The following LYZL4 variants were observed in gnomAD, a reference collection of about 807,000 sequenced individuals.
LYZL4 encodes lysozyme-like protein 4.
LYZL4 carries 13 observed loss-of-function variants against 17.6 expected under a neutral mutation model. That is an observed-to-expected ratio of 0.74 (90% CI 0.48 to 1.18). LYZL4 has a LOEUF of 1.18. Ranked by LOEUF, LYZL4 falls within the 50% of genes most tolerant of loss-of-function variation. LYZL4 has a pLI of 0.00. For missense variants in LYZL4, 174 were observed against 188.2 expected, an observed-to-expected ratio of 0.92 and a Z score of 0.44; for synonymous variants, 64 against 67.7, an observed-to-expected ratio of 0.95 and a Z score of 0.27.
the LYZL4 span, among the ~76,000 whole-genome samples, chr3:42,361,334 A>G: frequency 6.6e-6 from 1 of 152,154 alleles, no homozygotes; most frequent in East Asian, 1.9e-4. Flanking sequence ...TTCATAGCAA[A>G]CCAAGGGTGA....
At chr3:42,382,022 C>A in the LYZL4 span, among the ~76,000 whole-genome samples, 1 of 152,200 alleles carries the variant, frequency 6.6e-6, no homozygotes, top group Admixed American at 6.5e-5. Context: ...AAGCATCCAC[C>A]ATGGCAAAAC....
chr3:42,384,637 C>T, the LYZL4 span, among the ~76,000 whole-genome samples: 2 of 152,280 alleles, frequency 1.3e-5, no homozygotes, highest in South Asian at 2.1e-4. Flanking sequence ...AACAATGCTT[C>T]GCTAAAGAAG....
At chr3:42,365,180 G>C in the LYZL4 span, among the ~76,000 whole-genome samples, 3 of 152,094 alleles carry the variant, frequency 2.0e-5, no homozygotes, top group African/African-American at 7.2e-5. Context: ...ATGGTAATTT[G>C]GGGAAATTTG....
the LYZL4 span, among the ~76,000 whole-genome samples, chr3:42,372,890 T>C: frequency 6.6e-6 from 1 of 152,126 alleles, no homozygotes; most frequent in Admixed American, 6.5e-5. Flanking sequence ...AGGGCTGTCA[T>C]ACTATGTCTG....
chr3:42,382,960 G>A, the LYZL4 span, among the ~76,000 whole-genome samples: 2 of 152,044 alleles, frequency 1.3e-5, no homozygotes, highest in African/African-American at 2.4e-5. Context: ...GTGATGCTTG[G>A]CAGTGAGGGT....
intron 4 of LYZL4, among the ~76,000 whole-genome samples, chr3:42,403,458 T>C (rs190149743): frequency 3.7e-4 from 56 of 152,170 alleles, no homozygotes; most frequent in African/African-American, 1.3e-3. Flanking sequence ...ATTTTTTTAG[T>C]AGAGACGAGG....
Position 42,397,348 on chromosome 3 carries a change from T to G in LYZL4, c.372-14A>C. On this transcript the variant is annotated splice_polypyrimidine_tract_variant and intron_variant, in intron 4 of 4. Coordinates refer to ENST00000287748, the MANE Select transcript of LYZL4 (RefSeq NM_144634.4). Reference sequence around the variant, plus strand: ...GACCAGGTGGGCCTGTGGAGAGAAGTGAACAGGAAGGGCTCCTCAAAGTCA... The same window carrying G: ...GACCAGGTGGGCCTGTGGAGAGAAGGGAACAGGAAGGGCTCCTCAAAGTCA... The G allele has an allele frequency of 6.4e-7, 1 of 1,558,416 alleles. No homozygotes were observed.
the LYZL4 span, among the ~76,000 whole-genome samples, chr3:42,371,262 AG>A: frequency 6.6e-6 from 1 of 152,208 alleles, no homozygotes; most frequent in African/African-American, 2.4e-5. Flanking sequence ...ACCAGCACTC[AG>A]GGGTGGCAGA....
At chr3:42,402,587 A>C (rs949488055) in intron 4 of LYZL4, among the ~76,000 whole-genome samples, 26 of 152,208 alleles carry the variant, frequency 1.7e-4, no homozygotes, top group African/African-American at 6.0e-4. Flanking sequence ...GCAATACCAC[A>C]ACACAGTCAT....
At chr3:42,366,401 G>A in the LYZL4 span, among the ~76,000 whole-genome samples, 1 of 152,192 alleles carries the variant, frequency 6.6e-6, no homozygotes, top group Non-Finnish European at 1.5e-5. Flanking sequence ...ACGTCCTGAG[G>A]AGGGGAGGTT....
the LYZL4 span, among the ~76,000 whole-genome samples, chr3:42,366,311 A>G: frequency 6.6e-6 from 1 of 152,150 alleles, no homozygotes; most frequent in Non-Finnish European, 1.5e-5. Context: ...CAGCCTTGGA[A>G]GCCACTGCCC....
chr3:42,405,086 T>C (rs901712418), intron 3 of LYZL4, among the ~76,000 whole-genome samples: 1 of 152,130 alleles, frequency 6.6e-6, no homozygotes, highest in African/African-American at 2.4e-5. Flanking sequence ...TCTCGCTCTG[T>C]CTCCCAGGCT....
the LYZL4 span, among the ~76,000 whole-genome samples, chr3:42,369,939 C>T: frequency 6.6e-6 from 1 of 152,060 alleles, no homozygotes; most frequent in East Asian, 1.9e-4. Context: ...CCCAGCTACT[C>T]GAGAGATAGA....
intron 4 of LYZL4, among the ~76,000 whole-genome samples, chr3:42,402,818 C>T (rs1391279189): frequency 1.3e-5 from 2 of 152,168 alleles, no homozygotes. Flanking sequence ...TATAGACTGT[C>T]CATGGCAGCA....
chr3:42,409,579 A>T (rs1449348161), intron 1 of LYZL4, among the ~76,000 whole-genome samples: 1 of 152,130 alleles, frequency 6.6e-6, no homozygotes, highest in African/African-American at 2.4e-5. Flanking sequence ...AGGGTGTGCC[A>T]TCTACAGTTC....
At chr3:42,379,747 C>T in the LYZL4 span, among the ~76,000 whole-genome samples, 9 of 152,138 alleles carry the variant, frequency 5.9e-5, no homozygotes, top group Non-Finnish European at 5.9e-5. Context: ...TGACTCACTC[C>T]GATCCTCTTA....
chr3:42,401,881 G>C (rs545637441), intron 4 of LYZL4, among the ~76,000 whole-genome samples: 1 of 152,092 alleles, frequency 6.6e-6, no homozygotes, highest in Non-Finnish European at 1.5e-5. Flanking sequence ...AGACAAGGCT[G>C]CCACTATTGT....
the LYZL4 span, among the ~76,000 whole-genome samples, chr3:42,380,040 C>T: frequency 6.6e-6 from 1 of 152,174 alleles, no homozygotes; most frequent in African/African-American, 2.4e-5. Context: ...AGAAGACAGC[C>T]GTCTGCAAAC....
downstream of LYZL4, among the ~76,000 whole-genome samples, chr3:42,396,069 A>C (rs562923850): frequency 9.9e-5 from 15 of 152,224 alleles, no homozygotes; most frequent in Non-Finnish European, 1.8e-4. Flanking sequence ...TCTCAAAAAA[A>C]AGAAAAGAAA....
Sources: allele counts gnomAD v4.1 joint callset (sites outside exome capture counted in the v4.1 genomes callset), GRCh38; gene constraint gnomAD v4.1.1; transcripts MANE v1.5; gene names NCBI Gene and HGNC (gene_info 2026-07-23, HGNC 2026-07-21).